The following CCDC169 variants were observed in gnomAD, a reference collection of about 807,000 sequenced individuals.
CCDC169 encodes coiled-coil domain-containing protein 169.
In CCDC169, 30 loss-of-function variants were observed where a neutral mutation model predicts 36.0. The ratio of observed to expected loss-of-function variants is 0.83; its 90% CI spans 0.62 to 1.13. CCDC169 has a LOEUF of 1.13. Ranked by LOEUF, CCDC169 falls within the 50% of genes most tolerant of loss-of-function variation. The probability of loss-of-function intolerance (pLI) is 0.00; values close to 1 mark genes in which losing one functional copy is unlikely to be tolerated. For missense variants in CCDC169, 245 were observed against 245.9 expected (o/e 1.00, Z 0.03); for synonymous variants, 85 against 81.5 (o/e 1.04, Z -0.23).
Position 36,248,621 on chromosome 13 carries a change from T to C in CCDC169, c.530A>G (p.Glu177Gly). 3 of 1,550,010 alleles carry C rather than the reference T, an allele frequency of 1.9e-6. No homozygotes were observed. The highest frequency in any genetic ancestry group is 1.7e-6 in the Non-Finnish European group (2 of 1,145,854). The change falls in exon 7 of 8, where the codon GAG (glutamate) becomes GGG (glycine). Residue 177 changes from glutamate (E) to glycine (G), a missense_variant. Transcript: ENST00000239859. ...CTAGACTTACGTTTTCACTAGATTC[T>C]CTTGCATCCTAGGCAGTTGATCCAC... Reference protein sequence around the residue: ...QQVDQLPRMQENLVKTGRYNP... With the variant: ...QQVDQLPRMQGNLVKTGRYNP...
chr13:36,231,653 T>C (rs780082551), intron 7 of CCDC169, among the ~76,000 whole-genome samples: 5 of 152,162 alleles, frequency 3.3e-5, no homozygotes, highest in Non-Finnish European at 5.9e-5. Flanking sequence ...TATGTGGCAC[T>C]AAAAAGCCAA....
intron 2 of CCDC169, among the ~76,000 whole-genome samples, chr13:36,294,547 T>C (rs1879253540): frequency 6.6e-6 from 1 of 152,156 alleles, no homozygotes; most frequent in Non-Finnish European, 1.5e-5. Flanking sequence ...TTTTTGTTCA[T>C]GGCTCCCCAA....
intron 7 of CCDC169, chr13:36,240,615 C>T: frequency 7.8e-7 from 1 of 1,283,732 alleles, no homozygotes; most frequent in Non-Finnish European, 1.0e-6. Flanking sequence ...CTCCAGGGTA[C>T]CAATGGCTCC....
At chr13:36,273,552 C>T (rs1156745488) in intron 4 of CCDC169, among the ~76,000 whole-genome samples, 1 of 152,140 alleles carries the variant, frequency 6.6e-6, no homozygotes, top group African/African-American at 2.4e-5. Context: ...TAATTATGCA[C>T]ATTTGCATTT....
At chr13:36,270,885 C>T (rs891783780) in intron 4 of CCDC169, among the ~76,000 whole-genome samples, 1 of 152,074 alleles carries the variant, frequency 6.6e-6, no homozygotes, top group Non-Finnish European at 1.5e-5. Flanking sequence ...GACTAAGATG[C>T]AAAAAGCAAA....
intron 2 of CCDC169, among the ~76,000 whole-genome samples, chr13:36,285,612 T>TAGATAGATAGCTAGATAGAC: frequency 6.7e-6 from 1 of 149,592 alleles, no homozygotes; most frequent in African/African-American, 2.5e-5. Context: ...GATAGATAGA[T>TAGATAGATAGCTAGATAGAC]AGATAGATAC....
chr13:36,253,758 A>G, intron 6 of CCDC169, 45 bp downstream of exon 6: 1 of 1,523,470 alleles, frequency 6.6e-7, no homozygotes, highest in Non-Finnish European at 8.8e-7. Flanking sequence ...AACATAATTT[A>G]CAGTAAGAAG....
chr13:36,252,896 C>T (rs955543476), intron 6 of CCDC169, among the ~76,000 whole-genome samples: 4 of 152,050 alleles, frequency 2.6e-5, no homozygotes, highest in African/African-American at 7.2e-5. Flanking sequence ...AATATTTAAA[C>T]GTCAGATATT....
intron 7 of CCDC169, among the ~76,000 whole-genome samples, chr13:36,233,199 A>T (rs1442881648): frequency 6.6e-6 from 1 of 150,856 alleles, no homozygotes; most frequent in Admixed American, 6.7e-5. Flanking sequence ...TTCAATCATT[A>T]GCTGACCCCT....
intron 4 of CCDC169, among the ~76,000 whole-genome samples, chr13:36,275,042 G>A (rs2138576887): frequency 6.6e-6 from 1 of 152,038 alleles, no homozygotes; most frequent in Admixed American, 6.5e-5. Flanking sequence ...CTAATTTTTT[G>A]TATTTTTAGT....
rs147171648 is a variant in CCDC169 at position 36,282,543 on chromosome 13, G to C, written c.315+926C>G. On this transcript the variant is annotated intron_variant, in intron 4 of 7. Transcript: ENST00000239859. ...AAAGCACCTGTCCAGAGAATAGAGAGGACCAGTTCTGTTTATACTGAACTT... is the reference window on the plus strand; with the variant it reads ...AAAGCACCTGTCCAGAGAATAGAGACGACCAGTTCTGTTTATACTGAACTT... 6.1e-6 allele frequency: 6 copies of C among 985,164 alleles called. No individual in the cohort carries two copies. The African/African-American group carries it at 7.0e-5, about 11-fold the overall frequency. The allele number at this position is 985,164 out of a possible 1,614,324, so 61.0% of individuals were successfully genotyped here.
chr13:36,255,932 G>A (rs1323599574), intron 4 of CCDC169, among the ~76,000 whole-genome samples: 1 of 152,176 alleles, frequency 6.6e-6, no homozygotes, highest in Non-Finnish European at 1.5e-5. Flanking sequence ...TACCACCCTT[G>A]ACCAGATGCA....
At chr13:36,251,764 A>G (rs1310958530) in intron 6 of CCDC169, among the ~76,000 whole-genome samples, 1 of 152,146 alleles carries the variant, frequency 6.6e-6, no homozygotes, top group Non-Finnish European at 1.5e-5. Flanking sequence ...GCAAACAGAT[A>G]TATCAGCAAT....
rs1236117463 is a variant in CCDC169 at position 36,254,066 on chromosome 13, A to G, written c.393T>C (p.Leu131=). ...AAACCTTTGATTCTTGTTCCAGTTT[A>G]AGTGCATAGTATTTCACTTGACTTT... The part of the protein sequence containing the change: ...TLESQVKYYA[L]KLEQESKAYQ... Residue 131 remains leucine, a synonymous_variant, in exon 5 of 8, where the codon CTT becomes CTC. Transcript: ENST00000239859. 1 of 1,548,802 alleles carries G rather than the reference A, an allele frequency of 6.5e-7. No individual in the cohort carries two copies. Among genetic ancestry groups the G allele is most frequent in the Non-Finnish European group, 8.7e-7 (1 of 1,146,170 alleles).
downstream of CCDC169, among the ~76,000 whole-genome samples, chr13:36,228,285 T>A (rs1398357799): frequency 6.6e-6 from 1 of 152,202 alleles, no homozygotes; most frequent in East Asian, 1.9e-4. Flanking sequence ...ACCAGCAACA[T>A]ATGAGGGTTC....
chr13:36,235,844 T>A (rs1871007805), intron 7 of CCDC169, among the ~76,000 whole-genome samples: 2 of 151,872 alleles, frequency 1.3e-5, no homozygotes, highest in South Asian at 4.1e-4. Flanking sequence ...TCAACTGTAT[T>A]TCTAGACACC....
chr13:36,257,951 A>G, intron 4 of CCDC169, among the ~76,000 whole-genome samples: 2 of 152,094 alleles, frequency 1.3e-5, no homozygotes, highest in Non-Finnish European at 2.9e-5. Flanking sequence ...GCCCTCCAAT[A>G]TAGACAGAAC....
At chr13:36,240,699 A>G in intron 7 of CCDC169, 1 of 978,306 alleles carries the variant, frequency 1.0e-6, no homozygotes, top group South Asian at 1.5e-5. Flanking sequence ...GAGGTTTCAC[A>G]CTAAAGAAAA....
intron 4 of CCDC169, among the ~76,000 whole-genome samples, chr13:36,274,931 C>T (rs1218189338): frequency 7.1e-6 from 1 of 140,872 alleles, no homozygotes; most frequent in Non-Finnish European, 1.5e-5. Flanking sequence ...TGCAGTGGCG[C>T]GATCTCTGCT....
Sources: gnomAD v4.1 joint callset for allele counts (sites outside exome capture counted in the v4.1 genomes callset) on GRCh38, gnomAD v4.1.1 for gene constraint, MANE v1.5 for transcripts, NCBI Gene and HGNC (gene_info 2026-07-23, HGNC 2026-07-21) for gene names.